Variants in AOAH observed in about 807,000 individuals in gnomAD.
The protein encoded by AOAH is acyloxyacyl hydrolase, also known as acyloxyacyl hydrolase (neutrophil).
AOAH carries 64 observed loss-of-function variants against 92.2 expected under a neutral mutation model. The ratio of observed to expected loss-of-function variants is 0.69; its 90% CI spans 0.57 to 0.86. The LOEUF is 0.86. Ranked by LOEUF, AOAH falls within the 40% of genes least tolerant of loss-of-function variation. The probability of loss-of-function intolerance (pLI) is 0.00; values close to 1 mark genes in which losing one functional copy is unlikely to be tolerated. For synonymous variants in AOAH, 263 were observed against 254.5 expected, an observed-to-expected ratio of 1.03 and a Z score of -0.32; for missense variants, 656 against 694.6, an observed-to-expected ratio of 0.94 and a Z score of 0.62.
intron 4 of AOAH, among the ~76,000 whole-genome samples, chr7:36,647,461 AAG>A (rs1315508569): frequency 1.3e-4 from 20 of 152,270 alleles, no homozygotes; most frequent in African/African-American, 4.8e-4. Flanking sequence ...GCATGTTCTC[AAG>A]AGAGATAGTT....
intron 12 of AOAH, among the ~76,000 whole-genome samples, chr7:36,579,860 C>T (rs913702234): frequency 2.0e-5 from 3 of 152,148 alleles, no homozygotes; most frequent in Admixed American, 6.5e-5. Flanking sequence ...CACCCAGGAT[C>T]GATACCTTGT....
chr7:36,557,390 C>T (rs571227801), intron 13 of AOAH, among the ~76,000 whole-genome samples: 34 of 152,268 alleles, frequency 2.2e-4, no homozygotes, highest in African/African-American at 7.5e-4. Flanking sequence ...GTGGGTAACC[C>T]GACCTTTCTC....
chr7:36,640,944 C>T lies in AOAH; in HGVS notation c.391-3034G>A, dbSNP rs192094045. On this transcript the variant is annotated intron_variant, in intron 4 of 20. Transcript: ENST00000617537. ...GTGAGTAAGTCAGAGATTCCAGGCT[C>T]GGAATAGCTGTGCACAGGAGCCGAG... Among the ~76,000 whole-genome samples the T allele has an allele frequency of 1.8e-4, 27 of 152,164 alleles. No individual in the cohort carries two copies. The East Asian group carries it at 4.5e-3, about 25-fold the overall frequency.
intron 3 of AOAH, among the ~76,000 whole-genome samples, chr7:36,669,436 G>A (rs1562677859): frequency 6.9e-6 from 1 of 145,348 alleles, no homozygotes; most frequent in Non-Finnish European, 1.5e-5. Flanking sequence ...AGGCTGGAGT[G>A]CAGTGGCATG....
chr7:36,637,669 G>C (rs551300648), intron 5 of AOAH, among the ~76,000 whole-genome samples, 182 bp downstream of exon 5: 1 of 152,270 alleles, frequency 6.6e-6, no homozygotes, highest in East Asian at 1.9e-4. Context: ...AAACCACACT[G>C]TAGTGAGAAG....
At chr7:36,544,732 C>A (rs1011328043) in intron 15 of AOAH, among the ~76,000 whole-genome samples, 1 of 152,166 alleles carries the variant, frequency 6.6e-6, no homozygotes, top group African/African-American at 2.4e-5. Context: ...CTGTCCCGCC[C>A]TAATGAATTG....
intron 15 of AOAH, among the ~76,000 whole-genome samples, chr7:36,544,643 A>C (rs985037109): frequency 6.6e-6 from 1 of 152,208 alleles, no homozygotes; most frequent in Non-Finnish European, 1.5e-5. Context: ...GCTCACTGAC[A>C]TGCTCTCACA....
chr7:36,615,422 T>C (rs561698296), intron 11 of AOAH, among the ~76,000 whole-genome samples: 134 of 152,348 alleles, frequency 8.8e-4, no homozygotes, highest in African/African-American at 3.0e-3. Context: ...ACCTGTACTT[T>C]TATTTTGCAC....
At chr7:36,661,229 C>T (rs1310541320) in intron 3 of AOAH, 4 of 152,170 alleles carry the variant, frequency 2.6e-5, no homozygotes, top group Non-Finnish European at 5.9e-5. Context: ...CAAGAAGGAC[C>T]AATCTGATTC....
At chr7:36,642,829 A>G (rs756175828) in intron 4 of AOAH, among the ~76,000 whole-genome samples, 24 of 152,158 alleles carry the variant, frequency 1.6e-4, no homozygotes, top group Non-Finnish European at 2.8e-4. Context: ...CTCTATTGCT[A>G]TTTCCTATTT....
intron 11 of AOAH, among the ~76,000 whole-genome samples, chr7:36,609,056 G>A (rs572181645): frequency 2.0e-5 from 3 of 152,270 alleles, no homozygotes; most frequent in African/African-American, 7.2e-5. Context: ...CCCAGAGGAA[G>A]GATGCTGGGG....
intron 1 of AOAH, among the ~76,000 whole-genome samples, chr7:36,708,105 T>A (rs10278112): frequency 0.59 from 88,804 of 151,790 alleles, 26,383 homozygotes; most frequent in East Asian, 0.83. Context: ...TTCTTCATTT[T>A]TAAAAAGCTG....
intron 2 of AOAH, among the ~76,000 whole-genome samples, chr7:36,674,758 T>A (rs905308507): frequency 6.6e-6 from 1 of 152,134 alleles, no homozygotes; most frequent in African/African-American, 2.4e-5. Flanking sequence ...AAACCCTGAT[T>A]AAGGAGAATC....
At chr7:36,639,087 C>T in intron 4 of AOAH, among the ~76,000 whole-genome samples, 1 of 152,246 alleles carries the variant, frequency 6.6e-6, no homozygotes, top group South Asian at 2.1e-4. Context: ...GCCAAAAGAG[C>T]TGATCCCAAT....
intron 6 of AOAH, among the ~76,000 whole-genome samples, chr7:36,627,924 T>C (rs1314049360): frequency 6.6e-6 from 1 of 152,126 alleles, no homozygotes; most frequent in East Asian, 1.9e-4. Flanking sequence ...TGGGGCATTA[T>C]GACAAAAGAA....
chr7:36,527,164 T>C (rs1018734629), intron 19 of AOAH, among the ~76,000 whole-genome samples: 1 of 152,180 alleles, frequency 6.6e-6, no homozygotes, highest in Non-Finnish European at 1.5e-5. Flanking sequence ...AGACAGAAAG[T>C]CTTTGGAGAT....
intron 1 of AOAH, among the ~76,000 whole-genome samples, chr7:36,699,719 C>A (rs988692170): frequency 4.7e-5 from 7 of 149,542 alleles, no homozygotes; most frequent in African/African-American, 7.4e-5. Flanking sequence ...GGATAATTTG[C>A]AAATATTTTC....
At chr7:36,680,617 ATAC>A (rs988570905) in intron 2 of AOAH, among the ~76,000 whole-genome samples, 1 of 152,160 alleles carries the variant, frequency 6.6e-6, no homozygotes, top group African/African-American at 2.4e-5. Flanking sequence ...TTGCCACCCC[ATAC>A]AACTGACATA....
intron 1 of AOAH, among the ~76,000 whole-genome samples, chr7:36,704,399 G>A (rs1336161135): frequency 6.6e-6 from 1 of 152,052 alleles, no homozygotes; most frequent in Admixed American, 6.6e-5. Context: ...AGAAGAAATG[G>A]ATAAATTCCT....
Sources: gnomAD v4.1 joint callset for allele counts (sites outside exome capture counted in the v4.1 genomes callset) on GRCh38, gnomAD v4.1.1 for gene constraint, MANE v1.5 for transcripts, NCBI Gene and HGNC (gene_info 2026-07-23, HGNC 2026-07-21) for gene names.